EPC2: variants seen among roughly 807,000 people sequenced by gnomAD.
The protein encoded by EPC2 is enhancer of polycomb homolog 2.
Under a neutral mutation model 92.1 loss-of-function variants are expected in EPC2, and 14 were observed. The ratio of observed to expected loss-of-function variants is 0.15; its 90% CI spans 0.10 to 0.24. The LOEUF is 0.24. Ranked by LOEUF, EPC2 falls within the 10% of genes least tolerant of loss-of-function variation. EPC2 has a pLI of 1.00. For synonymous variants in EPC2, 340 were observed against 334.7 expected (o/e 1.02, Z -0.17); for missense variants, 755 against 971.5 (o/e 0.78, Z 2.96).
intron 5 of EPC2, 174 bp downstream of exon 5, chr2:148,762,104 T>C (rs1191732395): frequency 2.0e-6 from 1 of 490,386 alleles, no homozygotes; most frequent in Non-Finnish European, 3.4e-6. Context: ...GATTAAGTTA[T>C]CAATTTGGAT....
rs75726420 is a variant in EPC2, at chr2:148,681,039, A to C, written c.154-9175A>C. ...GACTTTATCCTGTAGATGGTGGGCA[A>C]CTTGCCTTTTTCTTTAGTATGATGT... is the stretch of plus-strand genomic sequence containing the variant. On this transcript the variant is annotated intron_variant, in intron 1 of 13. Transcript: ENST00000258484. 9.9e-3 allele frequency among the ~76,000 whole-genome samples: 1,513 copies of C among 152,334 alleles called. 28 individuals are homozygous for C. Among genetic ancestry groups the C allele is most frequent in the East Asian group, 0.081 (418 of 5,180 alleles).
rs1208294757 is a variant in EPC2, at chr2:148,784,688, T to C, written c.2038T>C (p.Ser680Pro). The change falls in exon 13 of 14, where the codon TCC becomes CCC. Residue 680 changes from serine to proline, a missense_variant. Physicochemically the swap from Ser to Pro is moderately conservative, Grantham distance 74. Coordinates refer to ENST00000258484, the MANE Select transcript of EPC2 (RefSeq NM_015630.4). ...TTCAGGAACCTCTAAAACATTATAC[T>C]CCACCAATATGGCTTTATCATCCAG... ...QPSGTSKTLY[S>P]TNMALSSSPG... The C allele has an allele frequency of 6.2e-7, 1 of 1,609,484 alleles. No homozygotes were observed. The highest frequency in any genetic ancestry group is 2.2e-5 in the East Asian group (1 of 44,738).
chr2:148,749,363 A>G (rs1162809026), intron 3 of EPC2, among the ~76,000 whole-genome samples: 1 of 152,134 alleles, frequency 6.6e-6, no homozygotes, highest in East Asian at 1.9e-4. Context: ...TTGTAAATAA[A>G]TTCCATCTAT....
chr2:148,690,477 A>G lies in EPC2; in HGVS notation c.313+104A>G, dbSNP rs1681624196. On this transcript the variant is annotated intron_variant, in intron 2 of 13. Transcript: ENST00000258484. ...AATTCTGATTTTTTAATTCATACAC[A>G]CTGATTAATAGATATGTTAAACATT... 5 of 1,011,648 alleles carry G rather than the reference A, an allele frequency of 4.9e-6. No homozygotes were observed. In the South Asian group the frequency reaches 9.3e-5, roughly 19 times the overall value. The allele number at this position is 1,011,648 out of a possible 1,614,324, so 62.7% of individuals were successfully genotyped here.
intron 4 of EPC2, among the ~76,000 whole-genome samples, chr2:148,754,717 T>A (rs756296982): frequency 7.2e-5 from 11 of 152,162 alleles, no homozygotes; most frequent in Non-Finnish European, 1.5e-4. Context: ...GAGTGGAATC[T>A]TTCTCCTTTT....
chr2:148,653,238 G>T (rs1275021251), intron 1 of EPC2, among the ~76,000 whole-genome samples: 1 of 152,204 alleles, frequency 6.6e-6, no homozygotes, highest in East Asian at 1.9e-4. Flanking sequence ...CTTGGATTGA[G>T]TTTCGTTGTA....
At chr2:148,729,565 T>C (rs573739911) in intron 2 of EPC2, among the ~76,000 whole-genome samples, 18 of 152,210 alleles carry the variant, frequency 1.2e-4, no homozygotes, top group Admixed American at 1.2e-3. Flanking sequence ...TTCATCTGTT[T>C]AGGAGCCATT....
At chr2:148,762,166 G>C in intron 5 of EPC2, 1 of 253,640 alleles carries the variant, frequency 3.9e-6, no homozygotes, top group Non-Finnish European at 7.4e-6. Flanking sequence ...ACTTAATTTT[G>C]TTTTGGCAGA....
chr2:148,682,497 T>G (rs1160179219), intron 1 of EPC2, among the ~76,000 whole-genome samples: 1 of 152,238 alleles, frequency 6.6e-6, no homozygotes, highest in East Asian at 1.9e-4. Flanking sequence ...ACCAAAACCC[T>G]TGTTCAGTTT....
intron 2 of EPC2, among the ~76,000 whole-genome samples, chr2:148,698,851 G>A (rs1241598741): frequency 4.4e-5 from 6 of 137,032 alleles, no homozygotes; most frequent in Non-Finnish European, 4.6e-5. Context: ...TAAAAAAAAA[G>A]CATTATACTC....
At chr2:148,668,551 C>T (rs1681096709) in intron 1 of EPC2, among the ~76,000 whole-genome samples, 2 of 152,106 alleles carry the variant, frequency 1.3e-5, no homozygotes. Context: ...TAAAATTCAC[C>T]AGTGAAACCA....
chr2:148,719,117 G>A (rs935190620), intron 2 of EPC2, among the ~76,000 whole-genome samples: 2 of 151,850 alleles, frequency 1.3e-5, no homozygotes, highest in Admixed American at 6.6e-5. Flanking sequence ...CTCTAAACTG[G>A]CTATTCTGGT....
At chr2:148,675,270 A>C (rs915572866) in intron 1 of EPC2, among the ~76,000 whole-genome samples, 1 of 150,802 alleles carries the variant, frequency 6.6e-6, no homozygotes, top group African/African-American at 2.4e-5. Context: ...TCTGCCTTTT[A>C]TGTTCTTAGT....
chr2:148,762,589 A>C (rs1683324367), intron 5 of EPC2, 81 bp from the exon 6 acceptor site: 1 of 1,022,610 alleles, frequency 9.8e-7, no homozygotes, highest in South Asian at 2.2e-5. Context: ...GGTGACTTCC[A>C]ATTAATTGAG....
intron 3 of EPC2, among the ~76,000 whole-genome samples, chr2:148,748,489 CCAG>C (rs1354303940): frequency 4.1e-4 from 62 of 152,114 alleles, no homozygotes; most frequent in African/African-American, 1.4e-3. Flanking sequence ...CTAAATCAAA[CCAG>C]TTTTTTGTTC....
chr2:148,702,818 A>G (rs1369853092), intron 2 of EPC2, among the ~76,000 whole-genome samples: 1 of 148,048 alleles, frequency 6.8e-6, no homozygotes, highest in African/African-American at 2.4e-5. Flanking sequence ...TTAAAACACT[A>G]TGAGATTTTT....
intron 1 of EPC2, among the ~76,000 whole-genome samples, chr2:148,651,391 C>G (rs1435586422): frequency 6.6e-6 from 1 of 152,106 alleles, no homozygotes; most frequent in Non-Finnish European, 1.5e-5. Context: ...TCTGTCTTCC[C>G]CTTCATTTTA....
intron 2 of EPC2, among the ~76,000 whole-genome samples, chr2:148,732,891 CATA>C (rs1312024265): frequency 6.9e-6 from 1 of 144,104 alleles, no homozygotes; most frequent in African/African-American, 2.5e-5. Flanking sequence ...TTGTATTTTT[CATA>C]ATAATGTAAA....
At chr2:148,705,589 C>T (rs1244918587) in intron 2 of EPC2, among the ~76,000 whole-genome samples, 1 of 152,114 alleles carries the variant, frequency 6.6e-6, no homozygotes, top group Non-Finnish European at 1.5e-5. Context: ...GGCCGACTGA[C>T]ACCTCATACA....
Sources: gnomAD v4.1 joint callset for allele counts (sites outside exome capture counted in the v4.1 genomes callset) on GRCh38, gnomAD v4.1.1 for gene constraint, MANE v1.5 for transcripts, NCBI Gene and HGNC (gene_info 2026-07-23, HGNC 2026-07-21) for gene names.